PDE4B: variants seen among roughly 807,000 people sequenced by gnomAD.
The protein encoded by PDE4B is phosphodiesterase 4B.
Under a neutral mutation model 82.2 loss-of-function variants are expected in PDE4B, and 20 were observed. The observed-to-expected ratio is 0.24, with a 90% CI of 0.17 to 0.35. The LOEUF (loss-of-function observed/expected upper bound fraction) is 0.35, where lower values mean the gene tolerates loss of function less well. Among genes scored for constraint, PDE4B ranks in the 10% least tolerant of loss-of-function variants. The pLI, the probability that PDE4B is intolerant of heterozygous loss-of-function variation, is 1.00. For synonymous variants in PDE4B, 320 were observed against 318.9 expected (o/e 1.00, Z -0.04); for missense variants, 655 against 907.2 (o/e 0.72, Z 3.57).
intron 7 of PDE4B, among the ~76,000 whole-genome samples, chr1:66,277,657 G>A (rs751933159): frequency 6.6e-6 from 1 of 152,172 alleles, no homozygotes; most frequent in Non-Finnish European, 1.5e-5. Flanking sequence ...GCCTCCCAAA[G>A]TGCTGGGATT....
chr1:66,180,152 G>A (rs1389511430), intron 3 of PDE4B, among the ~76,000 whole-genome samples: 1 of 152,188 alleles, frequency 6.6e-6, no homozygotes, highest in African/African-American at 2.4e-5. Context: ...AAGCCAACAT[G>A]TGAACGAATA....
At chr1:66,225,718 T>C (rs1405868298) in intron 3 of PDE4B, among the ~76,000 whole-genome samples, 1 of 152,244 alleles carries the variant, frequency 6.6e-6, no homozygotes, top group Non-Finnish European at 1.5e-5. Context: ...CTTTTTAAAA[T>C]CACCCTGTGT....
At chr1:66,006,793 A>G (rs2503179) in intron 3 of PDE4B, among the ~76,000 whole-genome samples, 151,023 of 152,146 alleles carry the variant, frequency 0.99, 74,965 homozygotes, top group Middle Eastern at 1. Context: ...TCATGTGAAG[A>G]AGGACGTGTT....
chr1:66,199,977 A>G (rs1351239295), intron 3 of PDE4B, among the ~76,000 whole-genome samples: 1 of 152,116 alleles, frequency 6.6e-6, no homozygotes, highest in African/African-American at 2.4e-5. Context: ...TTATGGTTTT[A>G]GGTCTAACAT....
At chr1:66,042,812 A>G (rs1156956481) in intron 3 of PDE4B, 1 of 151,806 alleles carries the variant, frequency 6.6e-6, no homozygotes, top group Non-Finnish European at 1.5e-5. Flanking sequence ...TAATGTAAAA[A>G]TAGATATGAT....
At chr1:66,116,972 C>A (rs1645608726) in intron 3 of PDE4B, among the ~76,000 whole-genome samples, 2 of 152,208 alleles carry the variant, frequency 1.3e-5, no homozygotes, top group Admixed American at 1.3e-4. Context: ...ATTTGCCACC[C>A]CTCCAATCCA....
intron 1 of PDE4B, among the ~76,000 whole-genome samples, chr1:65,833,058 T>A (rs1424481550): frequency 6.6e-6 from 1 of 152,116 alleles, no homozygotes; most frequent in Admixed American, 6.6e-5. Flanking sequence ...TTTGCATGAG[T>A]GAGAAATAAA....
chr1:66,145,206 T>C (rs915714666), intron 3 of PDE4B, among the ~76,000 whole-genome samples: 1 of 152,144 alleles, frequency 6.6e-6, no homozygotes, highest in Non-Finnish European at 1.5e-5. Context: ...TAGGGTGGCA[T>C]GGTGCTTGCC....
chr1:66,072,146 T>C (rs756361759), intron 3 of PDE4B, among the ~76,000 whole-genome samples: 5 of 152,082 alleles, frequency 3.3e-5, no homozygotes, highest in African/African-American at 4.8e-5. Flanking sequence ...AGCCAAATCA[T>C]TCACTGCATG....
chr1:66,255,932 A>C (rs1193878755), intron 4 of PDE4B, among the ~76,000 whole-genome samples: 1 of 152,214 alleles, frequency 6.6e-6, no homozygotes, highest in Non-Finnish European at 1.5e-5. Context: ...TGGGAGGCCA[A>C]AGTGGGCCGA....
intron 3 of PDE4B, among the ~76,000 whole-genome samples, chr1:66,010,704 G>A (rs1027809719): frequency 2.0e-5 from 3 of 146,870 alleles, no homozygotes; most frequent in Non-Finnish European, 4.5e-5. Context: ...TTTTCTTCCT[G>A]TGAGACTTTT....
intron 3 of PDE4B, among the ~76,000 whole-genome samples, chr1:66,190,622 T>C (rs1217303919): frequency 6.6e-6 from 1 of 152,160 alleles, no homozygotes; most frequent in Non-Finnish European, 1.5e-5. Context: ...TCTGTGGGCA[T>C]AGGAACCTCT....
At chr1:66,305,238 T>C (rs1387062779) in intron 7 of PDE4B, among the ~76,000 whole-genome samples, 3 of 152,026 alleles carry the variant, frequency 2.0e-5, no homozygotes, top group African/African-American at 4.8e-5. Context: ...AAAATCAAAA[T>C]GCAAAAACCC....
chr1:65,847,802 A>G (rs187536816), intron 1 of PDE4B, among the ~76,000 whole-genome samples: 1 of 152,362 alleles, frequency 6.6e-6, no homozygotes, highest in Admixed American at 6.5e-5. Flanking sequence ...CTGAGCTTGG[A>G]ACATTTGGAA....
At chr1:65,935,657 C>T (rs1648085158) in intron 3 of PDE4B, among the ~76,000 whole-genome samples, 1 of 152,110 alleles carries the variant, frequency 6.6e-6, no homozygotes, top group South Asian at 2.1e-4. Flanking sequence ...AAAACACAAA[C>T]ACAGCCGGGT....
At chr1:66,016,854 G>A (rs1053666450) in intron 3 of PDE4B, among the ~76,000 whole-genome samples, 4 of 152,176 alleles carry the variant, frequency 2.6e-5, no homozygotes, top group African/African-American at 9.7e-5. Flanking sequence ...GGAGCAAAAG[G>A]ATGCAGCTTG....
intron 3 of PDE4B, among the ~76,000 whole-genome samples, chr1:65,965,388 A>C (rs1370012791): frequency 6.6e-6 from 1 of 152,150 alleles, no homozygotes; most frequent in Non-Finnish European, 1.5e-5. Context: ...TATTGTTGTC[A>C]AAGTACCCAG....
intron 3 of PDE4B, among the ~76,000 whole-genome samples, chr1:66,189,559 T>C (rs1433605819): frequency 2.0e-5 from 3 of 152,218 alleles, no homozygotes; most frequent in Admixed American, 6.5e-5. Context: ...TCTATACTTC[T>C]CTTCTCGCTT....
intron 3 of PDE4B, among the ~76,000 whole-genome samples, chr1:66,142,964 A>T (rs1646202255): frequency 6.6e-6 from 1 of 152,186 alleles, no homozygotes; most frequent in Admixed American, 6.5e-5. Context: ...AGGGAGAGAG[A>T]ACAGTTCAGC....
Sources: gnomAD v4.1 joint callset for allele counts (sites outside exome capture counted in the v4.1 genomes callset) on GRCh38, gnomAD v4.1.1 for gene constraint, MANE v1.5 for transcripts, NCBI Gene and HGNC (gene_info 2026-07-23, HGNC 2026-07-21) for gene names.